LHFPL6: variants seen among roughly 807,000 people sequenced by gnomAD.
LHFPL6 encodes LHFPL tetraspan subfamily member 6, also known as LHFPL tetraspan subfamily member 6 protein.
LHFPL6 carries 9 observed loss-of-function variants against 20.6 expected under a neutral mutation model. That is an observed-to-expected ratio of 0.44 (90% CI 0.26 to 0.76). The LOEUF (loss-of-function observed/expected upper bound fraction) is 0.76, where lower values mean the gene tolerates loss of function less well. LHFPL6 is among the 30% of genes least tolerant of loss of function. LHFPL6 has a pLI of 0.20. For synonymous variants in LHFPL6, 105 were observed against 98.7 expected (o/e 1.06, Z -0.38); for missense variants, 218 against 253.5 (o/e 0.86, Z 0.95).
chr13:39,550,096 G>GA (rs1871103568), intron 2 of LHFPL6, among the ~76,000 whole-genome samples: 1 of 152,072 alleles, frequency 6.6e-6, no homozygotes, highest in Admixed American at 6.5e-5. Context: ...AAAAACCATT[G>GA]AATTATATAT....
intron 2 of LHFPL6, among the ~76,000 whole-genome samples, chr13:39,389,962 C>G (rs1288211703): frequency 2.6e-5 from 4 of 152,112 alleles, no homozygotes; most frequent in Non-Finnish European, 5.9e-5. Context: ...AGTTAAACCT[C>G]TCTCCCCACG....
At chr13:39,468,291 A>C (rs528488219) in intron 2 of LHFPL6, among the ~76,000 whole-genome samples, 1 of 152,034 alleles carries the variant, frequency 6.6e-6, no homozygotes, top group South Asian at 2.1e-4. Context: ...TTATCCTCTC[A>C]TTTTTCTATA....
At chr13:39,600,740 C>A in intron 2 of LHFPL6, 92 bp downstream of exon 2, 1 of 1,285,372 alleles carries the variant, frequency 7.8e-7, no homozygotes, top group Non-Finnish European at 1.0e-6. Context: ...TTCCAGGTGT[C>A]ATTTATAATA....
rs563310331 is a variant in LHFPL6, at chr13:39,593,694, C to T, written c.385+7138G>A. 1.7e-3 allele frequency among the ~76,000 whole-genome samples: 252 copies of T among 152,266 alleles called. 6 individuals are homozygous for T. The highest frequency in any genetic ancestry group is 2.4e-4 in the Non-Finnish European group (16 of 68,022). On this transcript the variant is annotated intron_variant, in intron 2 of 3. Transcript: ENST00000379589. ...GCCAAAAGAACAAAGCTGGAGGCAT[C>T]ACACTACCTGACTTCAAACTATACT... is the stretch of plus-strand genomic sequence containing the variant.
chr13:39,597,202 T>C (rs982122808), intron 2 of LHFPL6, among the ~76,000 whole-genome samples: 2 of 152,186 alleles, frequency 1.3e-5, no homozygotes, highest in African/African-American at 2.4e-5. Context: ...TGGAATAATA[T>C]AAATATGGGA....
At chr13:39,575,652 G>T (rs998183318) in intron 2 of LHFPL6, among the ~76,000 whole-genome samples, 9 of 152,192 alleles carry the variant, frequency 5.9e-5, no homozygotes, top group Admixed American at 2.0e-4. Flanking sequence ...AAGCAGCAAA[G>T]AACTGGGGTA....
intron 2 of LHFPL6, among the ~76,000 whole-genome samples, chr13:39,509,261 A>G (rs1013215336): frequency 6.6e-6 from 1 of 152,164 alleles, no homozygotes; most frequent in Non-Finnish European, 1.5e-5. Flanking sequence ...AATAATTTGG[A>G]TACAAATCCT....
chr13:39,467,796 C>G (rs1286246208), intron 2 of LHFPL6, among the ~76,000 whole-genome samples: 1 of 152,150 alleles, frequency 6.6e-6, no homozygotes, highest in Admixed American at 6.5e-5. Context: ...CTCATTCACT[C>G]CCCCTAAAAA....
At chr13:39,512,060 T>G (rs1054753725) in intron 2 of LHFPL6, among the ~76,000 whole-genome samples, 1 of 152,194 alleles carries the variant, frequency 6.6e-6, no homozygotes, top group South Asian at 2.1e-4. Flanking sequence ...GGATGGATGG[T>G]TAAAATGGGT....
At chr13:39,495,779 A>ATTTTTTTTTTTTTTTTTTTTTTT (rs10558170) in intron 2 of LHFPL6, among the ~76,000 whole-genome samples, 1 of 89,542 alleles carries the variant, frequency 1.1e-5, no homozygotes, top group Non-Finnish European at 2.2e-5. Flanking sequence ...TAACTCAATA[A>ATTTTTTTTTTTTTTTTTTTTTTT]TTTTTTTTTT....
rs747780732 is a variant in LHFPL6, at chr13:39,552,405, ACAGTGACAGTGACACACTGTCAC to A, written c.385+48404_385+48426del. ...TTAATGGCACATAAACCATTGTTGGACAGTGACAGTGACACACTGTCACTGTCATGAACAGCAGGAGTGAGTAC... is the reference window on the plus strand; with the variant it reads ...TTAATGGCACATAAACCATTGTTGGATGTCATGAACAGCAGGAGTGAGTAC... On this transcript the variant is annotated intron_variant, in intron 2 of 3. Transcript: ENST00000379589. Among the ~76,000 whole-genome samples the A allele has an allele frequency of 3.1e-4, 47 of 152,262 alleles. 1 individual carries two copies. The highest frequency in any genetic ancestry group is 6.8e-3 in the Middle Eastern group (2 of 294).
At chr13:39,515,651 C>G (rs1200620398) in intron 2 of LHFPL6, among the ~76,000 whole-genome samples, 1 of 152,202 alleles carries the variant, frequency 6.6e-6, no homozygotes, top group African/African-American at 2.4e-5. Flanking sequence ...AGCAAAGCAG[C>G]TCCCAGCTAT....
intron 2 of LHFPL6, among the ~76,000 whole-genome samples, chr13:39,512,752 T>C (rs1241034159): frequency 6.6e-6 from 1 of 152,234 alleles, no homozygotes; most frequent in East Asian, 1.9e-4. Context: ...AATTCTTCAA[T>C]TCTAAAAGCA....
chr13:39,574,295 A>G (rs898455769), intron 2 of LHFPL6, among the ~76,000 whole-genome samples: 1 of 152,088 alleles, frequency 6.6e-6, no homozygotes. Flanking sequence ...ATCCTGGCTA[A>G]CATGGTGAAA....
intron 2 of LHFPL6, among the ~76,000 whole-genome samples, chr13:39,496,974 G>T (rs1869122102): frequency 6.6e-6 from 1 of 152,136 alleles, no homozygotes. Flanking sequence ...ATAACACTCT[G>T]CAATCAAAAA....
At chr13:39,570,301 A>T (rs1434178924) in intron 2 of LHFPL6, among the ~76,000 whole-genome samples, 1 of 152,142 alleles carries the variant, frequency 6.6e-6, no homozygotes, top group African/African-American at 2.4e-5. Context: ...CCATCACTTT[A>T]AATTTTAAAA....
intron 2 of LHFPL6, among the ~76,000 whole-genome samples, chr13:39,493,711 T>C (rs548209764): frequency 3.3e-5 from 5 of 152,326 alleles, no homozygotes; most frequent in African/African-American, 1.2e-4. Context: ...TGAAATGCTC[T>C]ATAATAGACG....
At chr13:39,542,105 AAT>A (rs2138504670) in intron 2 of LHFPL6, among the ~76,000 whole-genome samples, 1 of 139,594 alleles carries the variant, frequency 7.2e-6, no homozygotes, top group South Asian at 2.2e-4. Flanking sequence ...ATATAATAAT[AAT>A]AATAATAATA....
intron 2 of LHFPL6, among the ~76,000 whole-genome samples, chr13:39,561,946 T>G (rs1871496701): frequency 6.6e-6 from 1 of 152,158 alleles, no homozygotes; most frequent in Non-Finnish European, 1.5e-5. Context: ...TTTAAAAAAT[T>G]TCCTAAAACT....
Sources: gnomAD v4.1 joint callset for allele counts (sites outside exome capture counted in the v4.1 genomes callset) on GRCh38, gnomAD v4.1.1 for gene constraint, MANE v1.5 for transcripts, NCBI Gene and HGNC (gene_info 2026-07-23, HGNC 2026-07-21) for gene names.